ZNF180: variants seen among roughly 807,000 people sequenced by gnomAD.
The protein encoded by ZNF180 is zinc finger protein 180 (HHZ168).
ZNF180 carries 11 observed loss-of-function variants against 11.8 expected under a neutral mutation model. The observed-to-expected ratio is 0.93, with a 90% CI of 0.59 to 1.55. ZNF180 has a LOEUF of 1.55. Ranked by LOEUF, ZNF180 falls within the 40% of genes most tolerant of loss-of-function variation. The pLI, the probability that ZNF180 is intolerant of heterozygous loss-of-function variation, is 0.00. For synonymous variants in ZNF180, 287 were observed against 257.7 expected (o/e 1.11, Z -1.09); for missense variants, 773 against 781.7 (o/e 0.99, Z 0.13).
At chr19:44,497,161 C>G (rs1970609612) in intron 2 of ZNF180, 123 bp downstream of exon 2, 1 of 655,310 alleles carries the variant, frequency 1.5e-6, no homozygotes, top group African/African-American at 1.9e-5. Flanking sequence ...GTGTTAGAAG[C>G]CTGATGGCCA....
intron 3 of ZNF180, among the ~76,000 whole-genome samples, chr19:44,483,891 T>C (rs574717488): frequency 5.3e-4 from 80 of 152,266 alleles, no homozygotes; most frequent in African/African-American, 1.8e-3. Flanking sequence ...ACCCTCAATC[T>C]CAAAAGTCCT....
At chr19:44,494,136 G>A (rs1455739858) in intron 2 of ZNF180, among the ~76,000 whole-genome samples, 2 of 152,194 alleles carry the variant, frequency 1.3e-5, no homozygotes, top group Non-Finnish European at 1.5e-5. Flanking sequence ...TAAGAAGCGC[G>A]TTTCTGGTTG....
intron 3 of ZNF180, among the ~76,000 whole-genome samples, chr19:44,479,984 G>A (rs897476350): frequency 6.6e-6 from 1 of 152,184 alleles, no homozygotes; most frequent in Non-Finnish European, 1.5e-5. Context: ...AATGAAATGT[G>A]GACCTCGATG....
chr19:44,493,300 C>T (rs1257352196), intron 2 of ZNF180, among the ~76,000 whole-genome samples: 1 of 152,204 alleles, frequency 6.6e-6, no homozygotes, highest in Non-Finnish European at 1.5e-5. Flanking sequence ...GGCTCAAGGC[C>T]TTCGCTGGAC....
intron 2 of ZNF180, among the ~76,000 whole-genome samples, chr19:44,487,765 T>C (rs1568430795): frequency 6.6e-6 from 1 of 152,164 alleles, no homozygotes; most frequent in Non-Finnish European, 1.5e-5. Flanking sequence ...TCTCGCGCTG[T>C]CCCCAGGCTG....
Position 44,475,002 on chromosome 19 carries a change from T to C in ZNF180, c.*1400A>G, listed in dbSNP as rs1969823628. On this transcript the variant is annotated 3_prime_UTR_variant, in exon 5 of 5. Transcript: ENST00000592529. ...TTTTGCTAAGGATAACCCCATCAGT[T>C]ACCCTTTAAGTTTTCTTTCCTATCC... 6.6e-6 allele frequency: 1 copy of C among 152,230 alleles called. No individual in the cohort carries two copies. The highest frequency in any genetic ancestry group is 2.1e-4 in the South Asian group (1 of 4,834). 9.4% of individuals were successfully genotyped at this position (152,230 alleles called of 1,614,324 possible). A position where few individuals can be genotyped will look rare whatever the true frequency, so the allele number is the denominator to read the frequency against.
At chr19:44,487,439 A>AT (rs1970258243) in intron 2 of ZNF180, among the ~76,000 whole-genome samples, 1 of 152,168 alleles carries the variant, frequency 6.6e-6, no homozygotes, top group South Asian at 2.1e-4. Flanking sequence ...CTGCCTTTTT[A>AT]TTTTTTGTAG....
rs1335769941 is a variant in ZNF180, at chr19:44,489,735, TA to T, written c.52-5301del. 9.6e-3 allele frequency among the ~76,000 whole-genome samples: 497 copies of T among 51,922 alleles called. 5 individuals are homozygous for T. The highest frequency in any genetic ancestry group is 0.037 in the African/African-American group (474 of 12,650). The allele number at this position is 51,922 out of a possible 152,430, so 34.1% of individuals were successfully genotyped here. On this transcript the variant is annotated intron_variant, in intron 2 of 4. Transcript: ENST00000592529. ...GCGAGAAACACCCAAGAATGATCAA[TA>T]AAAAAAAAAGAAAAAAAGAAAAAAA...
intron 3 of ZNF180, among the ~76,000 whole-genome samples, chr19:44,481,822 A>C (rs1970087923): frequency 6.6e-6 from 1 of 152,198 alleles, no homozygotes; most frequent in Middle Eastern, 3.2e-3. Context: ...AAATTGATTT[A>C]AGTCATCCCC....
rs910803863 is a variant in ZNF180, at chr19:44,474,489, T to G, written c.*1913A>C. 6.6e-6 allele frequency: 1 copy of G among 152,328 alleles called. No individual in the cohort carries two copies. Among genetic ancestry groups the G allele is most frequent in the East Asian group, 1.9e-4 (1 of 5,184 alleles). 9.4% of individuals were successfully genotyped at this position (152,328 alleles called of 1,614,324 possible). On this transcript the variant is annotated 3_prime_UTR_variant, in exon 5 of 5. Coordinates refer to ENST00000592529, the MANE Select transcript of ZNF180 (RefSeq NM_001278509.3). The stretch of plus-strand genomic sequence containing the variant: ...TCTAGGTCTCATCATAGCTCATATA[T>G]AACACTCAAAACATCATTAAACCAT...
rs144125546 is a variant in ZNF180, at chr19:44,477,302, G to A, written c.1098C>T (p.Ser366=). 5.0e-5 allele frequency: 80 copies of A among 1,612,396 alleles called. No individual in the cohort carries two copies. Among genetic ancestry groups the A allele is most frequent in the Non-Finnish European group, 6.6e-5 (78 of 1,178,854 alleles). The part of the protein sequence containing the change: ...CSECGKSFSR[S]SHLVSHQRTH... ...TTCTCTGATGGGAAACAAGGTGCGA[G>A]CTCCGGCTGAAGGATTTTCCACATT... Residue 366 remains serine (S), a synonymous_variant, in exon 5 of 5, where the codon AGC becomes AGT. Coordinates refer to ENST00000592529, the MANE Select transcript of ZNF180 (RefSeq NM_001278509.3).
chr19:44,488,717 G>C lies in ZNF180; in HGVS notation c.52-4282C>G, dbSNP rs532396392. Reference sequence around the variant, plus strand: ...TGGGAAGTGAGGAGCGTCTCTGCCTGGCTGCCCATTGTCTGGGATGTGAGG... The same window carrying C: ...TGGGAAGTGAGGAGCGTCTCTGCCTCGCTGCCCATTGTCTGGGATGTGAGG... On this transcript the variant is annotated intron_variant, in intron 2 of 4. Coordinates refer to ENST00000592529, the MANE Select transcript of ZNF180 (RefSeq NM_001278509.3). 3.0e-4 allele frequency among the ~76,000 whole-genome samples: 46 copies of C among 151,926 alleles called. 1 individual carries two copies. The South Asian group carries it at 9.4e-3, about 31-fold the overall frequency.
intron 3 of ZNF180, 173 bp from the exon 4 acceptor site, chr19:44,479,582 T>C (rs896633485): frequency 2.6e-6 from 2 of 777,732 alleles, no homozygotes; most frequent in African/African-American, 3.6e-5. Flanking sequence ...CTGGGTGAGC[T>C]CTTTGGGTTT....
At chr19:44,487,012 C>T (rs1365718040) in intron 2 of ZNF180, among the ~76,000 whole-genome samples, 1 of 151,980 alleles carries the variant, frequency 6.6e-6, no homozygotes, top group Admixed American at 6.6e-5. Flanking sequence ...CACTTCACTC[C>T]AGCCTGGGCA....
chr19:44,492,553 A>C (rs10412793), intron 2 of ZNF180, among the ~76,000 whole-genome samples: 46,443 of 151,978 alleles, frequency 0.31, 7,881 homozygotes, highest in African/African-American at 0.44. Flanking sequence ...CCCCATGGGA[A>C]CCAAAGCAGG....
At chr19:44,479,021 T>C (rs546068555) in intron 4 of ZNF180, among the ~76,000 whole-genome samples, 44 of 152,310 alleles carry the variant, frequency 2.9e-4, no homozygotes, top group African/African-American at 1.0e-3. Context: ...TTTTCAAAGC[T>C]GGGGACAAAA....
chr19:44,478,295 T>C (rs1600069701), intron 4 of ZNF180, 149 bp from the exon 5 acceptor site: 1 of 750,076 alleles, frequency 1.3e-6, no homozygotes, highest in East Asian at 2.8e-5. Context: ...AAGGGTGAGA[T>C]AAAGTATTAA....
At chr19:44,497,224 A>T (rs1485379417) in intron 2 of ZNF180, 60 bp downstream of exon 2, 3 of 1,451,278 alleles carry the variant, frequency 2.1e-6, no homozygotes, top group Non-Finnish European at 2.7e-6. Context: ...GAGGAGCCAC[A>T]GCCTCCCAAG....
rs1315386769 is a variant in ZNF180, at chr19:44,477,439, A to G, written c.961T>C (p.Ser321Pro). ...SSLTQNMRNN[S>P]EEKPFECNQC... ...TTACATTCAAAAGGTTTCTCTTCAGAATTATTTCTCATGTTTTGAGTAAGG... is the reference window on the plus strand; with the variant it reads ...TTACATTCAAAAGGTTTCTCTTCAGGATTATTTCTCATGTTTTGAGTAAGG... The change falls in exon 5 of 5, where the codon TCT becomes CCT. Residue 321 changes from serine (S) to proline (P), a missense_variant. By Grantham distance (74) the Ser-to-Pro change is moderately conservative (BLOSUM62 -1). Coordinates refer to ENST00000592529, the MANE Select transcript of ZNF180 (RefSeq NM_001278509.3). 3 of 1,614,026 alleles carry G rather than the reference A, an allele frequency of 1.9e-6. No homozygotes were observed. In the Admixed American group the frequency reaches 5.0e-5, roughly 27 times the overall value.
Sources: gnomAD v4.1 joint callset for allele counts (sites outside exome capture counted in the v4.1 genomes callset) on GRCh38, gnomAD v4.1.1 for gene constraint, MANE v1.5 for transcripts, NCBI Gene and HGNC (gene_info 2026-07-23, HGNC 2026-07-21) for gene names.